CELSR1: variants seen among roughly 807,000 people sequenced by gnomAD.
CELSR1 encodes cadherin EGF LAG seven-pass G-type receptor 1.
A neutral mutation model predicts 249.1 loss-of-function variants in CELSR1; 110 were observed. That is an observed-to-expected ratio of 0.44 (90% CI 0.38 to 0.52). The LOEUF is 0.52. CELSR1 is among the 20% of genes least tolerant of loss of function. CELSR1 has a pLI of 0.00. For synonymous variants in CELSR1, 2,113 were observed against 1,900.0 expected (o/e 1.11, Z -2.92); for missense variants, 4,109 against 4,296.4 (o/e 0.96, Z 1.22).
intron 18 of CELSR1, among the ~76,000 whole-genome samples, chr22:46,387,470 T>A (rs980013891): frequency 2.4e-4 from 36 of 148,982 alleles, no homozygotes; most frequent in African/African-American, 8.8e-4. Flanking sequence ...AGCCTCTGCC[T>A]CCCGGGTTCA....
At position 46,454,492 on chromosome 22, in the gene CELSR1, C is replaced by T. The variant is rs1253477216; in HGVS notation, c.4183+9215G>A. Among the ~76,000 whole-genome samples the T allele has an allele frequency of 2.0e-5, 3 of 152,210 alleles. No homozygotes were observed. Among genetic ancestry groups the T allele is most frequent in the African/African-American group, 7.2e-5 (3 of 41,468 alleles). On this transcript the variant is annotated intron_variant, in intron 2 of 34. Coordinates refer to ENST00000674500, the MANE Select transcript of CELSR1 (RefSeq NM_001378328.1). The surrounding 1 kb of genome is among the most constrained non-coding windows in gnomAD (Gnocchi z 5.1). ...GCAGCCTTGTCTCCCCTCAACAGCA[C>T]AGACTTCGAAGTCACGGGGAACGGC...
In CELSR1 at chr22:46,536,586, C is replaced by T. The variant is rs1355316235; in HGVS notation, c.585G>A (p.Arg195=). ...TGGCGGCCTCCAGCGCCAGTCCCACCCGGACGGCGCCAGCCGCGCGCCGCA... is the reference window on the plus strand; with the variant it reads ...TGGCGGCCTCCAGCGCCAGTCCCACTCGGACGGCGCCAGCCGCGCGCCGCA... ...CALRRAAGAV[R]VGLALEAATA... is the part of the protein sequence containing the mutation. The change falls in exon 1 of 35, where the codon CGG becomes CGA. Residue 195 remains arginine, a synonymous_variant. Coordinates refer to ENST00000674500, the MANE Select transcript of CELSR1 (RefSeq NM_001378328.1). 2.2e-5 allele frequency: 26 copies of T among 1,204,540 alleles called. No individual in the cohort carries two copies. In the East Asian group the frequency reaches 8.7e-4, roughly 40 times the overall value. The allele number at this position is 1,204,540 out of a possible 1,614,324, so 74.6% of individuals were successfully genotyped here. A position where few individuals can be genotyped will look rare whatever the true frequency, so the allele number is the denominator to read the frequency against.
In CELSR1 at chr22:46,369,682, CCA is replaced by C. The variant is rs2078829251; in HGVS notation, c.7872+8_7872+9del. The stretch of plus-strand genomic sequence containing the variant: ...GGGCACCCGGACTCCCGTGAAGGCC[CCA>C]CACTCACGATTATAACAGCTCCGAT... On this transcript the variant is annotated splice_region_variant and intron_variant, in intron 26 of 34. Coordinates refer to ENST00000674500, the MANE Select transcript of CELSR1 (RefSeq NM_001378328.1). 6.2e-7 allele frequency: 1 copy of C among 1,610,806 alleles called. No homozygotes were observed. Among genetic ancestry groups the C allele is most frequent in the Non-Finnish European group, 8.5e-7 (1 of 1,177,738 alleles).
chr22:46,507,764 C>G (rs1385803504), intron 1 of CELSR1, among the ~76,000 whole-genome samples: 1 of 152,216 alleles, frequency 6.6e-6, no homozygotes, highest in African/African-American at 2.4e-5. Context: ...TTCAGTGGGG[C>G]AGGGGCCCCA....
At chr22:46,420,217 C>A (rs956950735) in intron 5 of CELSR1, among the ~76,000 whole-genome samples, 6 of 151,736 alleles carry the variant, frequency 4.0e-5, no homozygotes, top group Non-Finnish European at 8.8e-5. Context: ...CTCGTACATA[C>A]CCACATTCAC....
At chr22:46,442,860 G>C (rs977806589) in intron 2 of CELSR1, among the ~76,000 whole-genome samples, 1 of 152,134 alleles carries the variant, frequency 6.6e-6, no homozygotes, top group Non-Finnish European at 1.5e-5. Flanking sequence ...GGGAGGCCAA[G>C]GCGGGAGGAT....
chr22:46,436,136 A>G lies in CELSR1; in HGVS notation c.4522+38T>C. The G allele has an allele frequency of 6.5e-7, 1 of 1,544,886 alleles. No homozygotes were observed. The highest frequency in any genetic ancestry group is 8.9e-7 in the Non-Finnish European group (1 of 1,118,312). ...GTTTTAACCCACAAAGTATCTGTGA[A>G]TTGCTCAGAGCTGCCCTTCCTGGGG... On this transcript the variant is annotated intron_variant, in intron 4 of 34. Transcript: ENST00000674500. The surrounding 1 kb of genome is among the most constrained non-coding windows in gnomAD (Gnocchi z 5.9).
Position 46,380,669 on chromosome 22 carries a change from G to T in CELSR1, c.7256+119C>A. The T allele has an allele frequency of 8.3e-7, 1 of 1,210,426 alleles. No homozygotes were observed. Among genetic ancestry groups the T allele is most frequent in the Non-Finnish European group, 1.2e-6 (1 of 865,516 alleles). The allele number at this position is 1,210,426 out of a possible 1,614,324, so 75.0% of individuals were successfully genotyped here. The stretch of plus-strand genomic sequence containing the variant: ...CACTGCCCCCACGGGGGACTTAAAG[G>T]GGAAACACAGACCACAAGAGACCGT... On this transcript the variant is annotated intron_variant, in intron 22 of 34. Coordinates refer to ENST00000674500, the MANE Select transcript of CELSR1 (RefSeq NM_001378328.1). The surrounding 1 kb of genome is among the most constrained non-coding windows in gnomAD (Gnocchi z 5.1).
rs571677494 is a variant in CELSR1 at position 46,436,636 on chromosome 22, T to C, written c.4407-347A>G. Among the ~76,000 whole-genome samples, 1 of 152,268 alleles carries C rather than the reference T, an allele frequency of 6.6e-6. No homozygotes were observed. Among genetic ancestry groups the C allele is most frequent in the South Asian group, 2.1e-4 (1 of 4,826 alleles). On this transcript the variant is annotated intron_variant, in intron 3 of 34. Coordinates refer to ENST00000674500, the MANE Select transcript of CELSR1 (RefSeq NM_001378328.1). This position sits in a 1 kb window ranked among gnomAD's most constrained non-coding sequence, Gnocchi z 5.9. The stretch of plus-strand genomic sequence containing the variant: ...GCACGTGCTGTACATTTTCTGCTGC[T>C]GTGAACAGATCCCCCCGTGTGTGCG...
intron 31 of CELSR1, 31 bp from the exon 32 acceptor site, chr22:46,365,411 G>A (rs776648184): frequency 6.2e-7 from 1 of 1,608,136 alleles, no homozygotes; most frequent in Non-Finnish European, 8.5e-7. Context: ...GGGAGGCTCA[G>A]GCCCTGGGAG....
intron 29 of CELSR1, 151 bp downstream of exon 29, chr22:46,366,842 G>A (rs1017757252): frequency 2.3e-5 from 26 of 1,134,068 alleles, no homozygotes; most frequent in East Asian, 1.6e-4. Context: ...GTTCTGACGC[G>A]GCAGCCACAC....
At position 46,391,130 on chromosome 22, in the gene CELSR1, C is replaced by T. The variant is rs771726213; in HGVS notation, c.6250+56G>A. Reference sequence around the variant, plus strand: ...CCATGAGTCCCCACATCTCGACTGGCTCCTCCCACAAGGACGCCTGCCTCA... The same window carrying T: ...CCATGAGTCCCCACATCTCGACTGGTTCCTCCCACAAGGACGCCTGCCTCA... On this transcript the variant is annotated intron_variant, in intron 16 of 34. Coordinates refer to ENST00000674500, the MANE Select transcript of CELSR1 (RefSeq NM_001378328.1). This position sits in a 1 kb window ranked among gnomAD's most constrained non-coding sequence, Gnocchi z 4.3. The T allele has an allele frequency of 9.9e-6, 14 of 1,418,080 alleles. No individual in the cohort carries two copies. The highest frequency in any genetic ancestry group is 1.4e-5 in the Non-Finnish European group (14 of 1,015,734). The allele number at this position is 1,418,080 out of a possible 1,614,324, so 87.8% of individuals were successfully genotyped here.
chr22:46,508,328 A>C (rs1283241308), intron 1 of CELSR1, among the ~76,000 whole-genome samples: 5 of 37,662 alleles, frequency 1.3e-4, no homozygotes, highest in African/African-American at 5.2e-4. Flanking sequence ...GAGGAAGGTG[A>C]GGGTGATGGG....
At position 46,412,908 on chromosome 22, in the gene CELSR1, C is replaced by G. The variant is rs1343533071; in HGVS notation, c.4612-1149G>C. On this transcript the variant is annotated intron_variant, in intron 5 of 34. Transcript: ENST00000674500. This position sits in a 1 kb window ranked among gnomAD's most constrained non-coding sequence, Gnocchi z 4.5. ...CCGTGACGATGAGCCAGGAGATCGC[C>G]AGGCAAGTGCCACCATGCCCCACAA... Among the ~76,000 whole-genome samples the G allele has an allele frequency of 6.6e-6, 1 of 152,188 alleles. No individual in the cohort carries two copies. Among genetic ancestry groups the G allele is most frequent in the Non-Finnish European group, 1.5e-5 (1 of 68,022 alleles).
At chr22:46,387,685 T>C (rs2079047019) in intron 18 of CELSR1, among the ~76,000 whole-genome samples, 2 of 152,110 alleles carry the variant, frequency 1.3e-5, no homozygotes, top group South Asian at 4.1e-4. Context: ...TGTGTGATTT[T>C]CATAAATCCT....
rs999748607 is a variant in CELSR1 at position 46,500,784 on chromosome 22, G to C, written c.3544+32843C>G. Among the ~76,000 whole-genome samples, 7 of 152,102 alleles carry C rather than the reference G, an allele frequency of 4.6e-5. No homozygotes were observed. Among genetic ancestry groups the C allele is most frequent in the Non-Finnish European group, 7.4e-5 (5 of 68,004 alleles). On this transcript the variant is annotated intron_variant, in intron 1 of 34. Transcript: ENST00000674500. This position sits in a 1 kb window ranked among gnomAD's most constrained non-coding sequence, Gnocchi z 4.9. ...CCACCGTGTCCCCACAACTGGAGCTGCCCGGGAGGCCAGCAGCAGGTCAGG... is the reference window on the plus strand; with the variant it reads ...CCACCGTGTCCCCACAACTGGAGCTCCCCGGGAGGCCAGCAGCAGGTCAGG...
intron 1 of CELSR1, among the ~76,000 whole-genome samples, chr22:46,516,499 G>T (rs1046391808): frequency 6.6e-6 from 1 of 151,854 alleles, no homozygotes; most frequent in East Asian, 1.9e-4. Context: ...CGGTTTTGGG[G>T]GGTTTTTTAA....
At chr22:46,386,038 C>T (rs182225117) in intron 19 of CELSR1, among the ~76,000 whole-genome samples, 3 of 151,242 alleles carry the variant, frequency 2.0e-5, no homozygotes, top group African/African-American at 7.3e-5. Flanking sequence ...GGCGCAATCT[C>T]AGCTCACTGC....
chr22:46,499,606 C>G (rs1220140590), intron 1 of CELSR1, among the ~76,000 whole-genome samples: 1 of 152,180 alleles, frequency 6.6e-6, no homozygotes, highest in Non-Finnish European at 1.5e-5. Flanking sequence ...AAAGACTTGT[C>G]CCAAGGACGG....
Sources: gnomAD v4.1 joint callset for allele counts (sites outside exome capture counted in the v4.1 genomes callset) on GRCh38, gnomAD v4.1.1 for gene constraint, Gnocchi (gnomAD v3.1) non-coding constraint, MANE v1.5 for transcripts, NCBI Gene and HGNC (gene_info 2026-07-23, HGNC 2026-07-21) for gene names.